The following LPAR1 variants were observed in gnomAD, a reference collection of about 807,000 sequenced individuals.
LPAR1 encodes lysophosphatidic acid receptor 1.
A neutral mutation model predicts 23.8 loss-of-function variants in LPAR1; 5 were observed. The ratio of observed to expected loss-of-function variants is 0.21; its 90% CI spans 0.11 to 0.44. LPAR1 has a LOEUF of 0.44. LPAR1 is among the 20% of genes least tolerant of loss of function. The pLI is 0.99. For synonymous variants in LPAR1, 160 were observed against 164.7 expected (o/e 0.97, Z 0.22); for missense variants, 311 against 482.8 (o/e 0.64, Z 3.33).
intron 5 of LPAR1, among the ~76,000 whole-genome samples, chr9:110,930,319 C>T (rs1312586234): frequency 6.6e-6 from 1 of 151,830 alleles, no homozygotes; most frequent in Non-Finnish European, 1.5e-5. Flanking sequence ...AGTTCGATAC[C>T]ACCCTGACCA....
At chr9:110,965,162 C>A (rs890641083) in intron 4 of LPAR1, among the ~76,000 whole-genome samples, 4 of 152,076 alleles carry the variant, frequency 2.6e-5, no homozygotes, top group Non-Finnish European at 5.9e-5. Context: ...GCCACAGCAC[C>A]CAGCCGCAAT....
chr9:110,895,302 T>C (rs904677423), intron 5 of LPAR1, among the ~76,000 whole-genome samples: 7 of 152,158 alleles, frequency 4.6e-5, no homozygotes, highest in Admixed American at 2.0e-4. Flanking sequence ...CAGAGTTGCA[T>C]AGCCAGAACA....
intron 5 of LPAR1, among the ~76,000 whole-genome samples, chr9:110,916,331 G>C (rs2093086105): frequency 6.6e-6 from 1 of 152,130 alleles, no homozygotes; most frequent in African/African-American, 2.4e-5. Flanking sequence ...TCTAAATCTG[G>C]ATGCCTCCAG....
At chr9:110,953,572 A>T (rs1445150516) in intron 4 of LPAR1, among the ~76,000 whole-genome samples, 1 of 152,134 alleles carries the variant, frequency 6.6e-6, no homozygotes, top group Non-Finnish European at 1.5e-5. Flanking sequence ...CTGAGGCAGA[A>T]GAATGGCTTG....
Position 111,031,380 on chromosome 9 carries a change from G to C in LPAR1, c.-182+4742C>G, listed in dbSNP as rs544216185. Reference sequence around the variant, plus strand: ...GAGAACAGCCTGGGTAATGTAGTGAGAGCCCATTTCTTTAAAAAAAAAAAA... The same window carrying C: ...GAGAACAGCCTGGGTAATGTAGTGACAGCCCATTTCTTTAAAAAAAAAAAA... On this transcript the variant is annotated intron_variant, in intron 2 of 5. Transcript: ENST00000683809. Among the ~76,000 whole-genome samples, 3 of 126,720 alleles carry C rather than the reference G, an allele frequency of 2.4e-5. No homozygotes were observed. The South Asian group carries it at 7.6e-4, about 32-fold the overall frequency. 83.1% of individuals were successfully genotyped at this position (126,720 alleles called of 152,430 possible).
Position 111,006,148 on chromosome 9 carries a change from G to T in LPAR1, c.-182+29974C>A, listed in dbSNP as rs541379825. Reference sequence around the variant, plus strand: ...GAAAAATGAACTGAAGAATTGGTTTGCCCAAAAGCACAAGTATTCTAACAC... The same window carrying T: ...GAAAAATGAACTGAAGAATTGGTTTTCCCAAAAGCACAAGTATTCTAACAC... On this transcript the variant is annotated intron_variant, in intron 2 of 5. Transcript: ENST00000683809. 6.6e-5 allele frequency among the ~76,000 whole-genome samples: 10 copies of T among 152,280 alleles called. No individual in the cohort carries two copies. The South Asian group carries it at 1.9e-3, about 28-fold the overall frequency.
chr9:111,035,470 T>C (rs532904995), intron 2 of LPAR1, among the ~76,000 whole-genome samples: 56 of 152,310 alleles, frequency 3.7e-4, no homozygotes, highest in African/African-American at 1.3e-3. Flanking sequence ...GCGATCGTCC[T>C]GCCTCAGCCT....
At chr9:110,930,272 T>C (rs1359343631) in intron 5 of LPAR1, among the ~76,000 whole-genome samples, 1 of 152,028 alleles carries the variant, frequency 6.6e-6, no homozygotes, top group Non-Finnish European at 1.5e-5. Flanking sequence ...ATCCAGCACT[T>C]TGGGAGGCTG....
chr9:110,878,760 G>A (rs2079841111), intron 5 of LPAR1, among the ~76,000 whole-genome samples: 1 of 152,160 alleles, frequency 6.6e-6, no homozygotes, highest in East Asian at 1.9e-4. Context: ...TGAGTGGCAC[G>A]CTGGCGTTGC....
intron 5 of LPAR1, among the ~76,000 whole-genome samples, chr9:110,909,880 T>C (rs1372810537): frequency 2.0e-5 from 3 of 151,930 alleles, no homozygotes; most frequent in African/African-American, 7.3e-5. Context: ...CCCGAGTAGC[T>C]GGGACTACAG....
intron 2 of LPAR1, among the ~76,000 whole-genome samples, chr9:111,013,698 T>G (rs933067757): frequency 3.9e-5 from 6 of 152,052 alleles, no homozygotes; most frequent in Non-Finnish European, 5.9e-5. Context: ...AAAAAAAGGG[T>G]GATCAGGGAG....
chr9:110,968,468 C>A (rs542055167), intron 4 of LPAR1, among the ~76,000 whole-genome samples: 1 of 152,256 alleles, frequency 6.6e-6, no homozygotes, highest in African/African-American at 2.4e-5. Flanking sequence ...TACCTTGGGA[C>A]ACTTGACATT....
At chr9:110,978,335 AC>A (rs1004240042) in intron 2 of LPAR1, among the ~76,000 whole-genome samples, 3 of 152,186 alleles carry the variant, frequency 2.0e-5, no homozygotes, top group African/African-American at 7.2e-5. Flanking sequence ...GATAAAACAG[AC>A]TTCTCAGAGG....
intron 2 of LPAR1, among the ~76,000 whole-genome samples, chr9:111,011,279 T>C (rs1004747132): frequency 2.8e-4 from 43 of 152,224 alleles, no homozygotes; most frequent in African/African-American, 8.7e-4. Context: ...CATCTCATCA[T>C]TGGAAGAAAA....
At chr9:111,028,279 T>C (rs760184750) in intron 2 of LPAR1, among the ~76,000 whole-genome samples, 14 of 152,008 alleles carry the variant, frequency 9.2e-5, no homozygotes, top group Non-Finnish European at 1.9e-4. Context: ...GACAGGGTTT[T>C]ATCATGTTGG....
At chr9:111,019,814 C>G (rs1018434949) in intron 2 of LPAR1, among the ~76,000 whole-genome samples, 1 of 152,186 alleles carries the variant, frequency 6.6e-6, no homozygotes, top group African/African-American at 2.4e-5. Flanking sequence ...CACAGCACAT[C>G]AGCCTGGGCG....
At chr9:111,026,095 T>C (rs542027416) in intron 2 of LPAR1, among the ~76,000 whole-genome samples, 18 of 152,338 alleles carry the variant, frequency 1.2e-4, no homozygotes, top group African/African-American at 3.8e-4. Context: ...GGGAATAGCA[T>C]TGAATCTATA....
At position 111,009,998 on chromosome 9, in the gene LPAR1, A is replaced by AATATATATAT. The variant is rs55696642; in HGVS notation, c.-182+26114_-182+26123dup. ...TCATTTCTCATTTCATAATTAGGAAAATATATATATATATATATATATATA... is the reference window on the plus strand; with the variant it reads ...TCATTTCTCATTTCATAATTAGGAAAATATATATATATATATATATATATATATATATATA... On this transcript the variant is annotated intron_variant, in intron 2 of 5. Coordinates refer to ENST00000683809, the MANE Select transcript of LPAR1 (RefSeq NM_001351411.2). 2.1e-3 allele frequency among the ~76,000 whole-genome samples: 256 copies of AATATATATAT among 123,250 alleles called. 2 individuals carry two copies. The highest frequency in any genetic ancestry group is 5.2e-3 in the East Asian group (14 of 2,680). The allele number at this position is 123,250 out of a possible 152,430, so 80.9% of individuals were successfully genotyped here. A position where few individuals can be genotyped will look rare whatever the true frequency, so the allele number is the denominator to read the frequency against.
At chr9:111,001,052 T>A (rs1026355634) in intron 2 of LPAR1, among the ~76,000 whole-genome samples, 30 of 152,198 alleles carry the variant, frequency 2.0e-4, no homozygotes, top group Non-Finnish European at 3.5e-4. Flanking sequence ...TTTTAAATAA[T>A]ACTCCTCAAA....
Sources: allele counts gnomAD v4.1 joint callset (sites outside exome capture counted in the v4.1 genomes callset), GRCh38; gene constraint gnomAD v4.1.1; transcripts MANE v1.5; gene names NCBI Gene and HGNC (gene_info 2026-07-23, HGNC 2026-07-21).